Variants in TUT4 observed in about 807,000 individuals in gnomAD.
TUT4 encodes terminal uridylyl transferase 4.
A neutral mutation model predicts 192.2 loss-of-function variants in TUT4; 36 were observed. The observed-to-expected ratio is 0.19, with a 90% CI of 0.14 to 0.25. The LOEUF is 0.25. Among genes scored for constraint, TUT4 ranks in the 10% least tolerant of loss-of-function variants. TUT4 has a pLI of 1.00. For missense variants in TUT4, 1,493 were observed against 1,957.2 expected, an observed-to-expected ratio of 0.76 and a Z score of 4.47; for synonymous variants, 618 against 666.0, an observed-to-expected ratio of 0.93 and a Z score of 1.11.
Position 52,446,187 on chromosome 1 carries a change from T to C in TUT4, c.3691+78A>G, listed in dbSNP as rs1346473356. 6 of 1,432,678 alleles carry C rather than the reference T, an allele frequency of 4.2e-6. No homozygotes were observed. The African/African-American group carries it at 7.1e-5, about 17-fold the overall frequency. The allele number at this position is 1,432,678 out of a possible 1,614,324, so 88.7% of individuals were successfully genotyped here. A position where few individuals can be genotyped will look rare whatever the true frequency, so the allele number is the denominator to read the frequency against. On this transcript the variant is annotated intron_variant, in intron 22 of 29. Transcript: ENST00000257177. ...AAAAGAGGAAGAATCTTCCAAATCC[T>C]AATGTATTTCAGTTTTCCCCTCAAT...
chr1:52,435,117 AG>A, intron 27 of TUT4: 1 of 280,952 alleles, frequency 3.6e-6, no homozygotes, highest in Non-Finnish European at 6.6e-6. Context: ...CCATCTTATT[AG>A]GTAGTTATTG....
At chr1:52,442,032 G>A (rs1490926646) in intron 24 of TUT4, among the ~76,000 whole-genome samples, 1 of 152,008 alleles carries the variant, frequency 6.6e-6, no homozygotes, top group East Asian at 1.9e-4. Context: ...TCTGGGCATG[G>A]TGGCGTGCAC....
chr1:52,461,556 C>T lies in TUT4; in HGVS notation c.3188G>A (p.Arg1063Lys). ...AKVPIVKFEH[R>K]RSGLEGDISL... ...GATATCGCCTTCTAACCCACTTCGC[C>T]TGTGTTCAAATTTTACTATAGGCAC... Residue 1063 changes from arginine to lysine, a missense_variant, in exon 18 of 30, where the codon AGG becomes AAG. Physicochemically the swap from Arg to Lys is conservative, Grantham distance 26. Around this residue, in one of 7 missense-constraint regions of TUT4, gnomAD observed 141 missense variants for 382.7 expected, o/e 0.37. Coordinates refer to ENST00000257177, the MANE Select transcript of TUT4 (RefSeq NM_001009881.3). 6.8e-6 allele frequency: 11 copies of T among 1,613,180 alleles called. No individual in the cohort carries two copies. Among genetic ancestry groups the T allele is most frequent in the Non-Finnish European group, 8.5e-6 (10 of 1,179,598 alleles).
At chr1:52,550,014 C>T (rs911034619) in intron 1 of TUT4, among the ~76,000 whole-genome samples, 2 of 152,126 alleles carry the variant, frequency 1.3e-5, no homozygotes, top group African/African-American at 4.8e-5. Flanking sequence ...ACCCTTTCTT[C>T]TCCTTGGGCC....
At position 52,438,334 on chromosome 1, in the gene TUT4, T is replaced by C; in HGVS notation, c.3824A>G (p.Glu1275Gly). Residue 1275 changes from glutamate (E) to glycine (G), a missense_variant and splice_region_variant, in exon 25 of 30, where the codon GAG (glutamate) becomes GGG (glycine). Around this residue, in one of 7 missense-constraint regions of TUT4, gnomAD observed 141 missense variants for 382.7 expected, o/e 0.37. Transcript: ENST00000257177. Reference sequence around the variant, plus strand: ...TAATACTCTGGAATCAAAGAAGTACTCCTAGGGAGAAAATGCAATTTTACT... The same window carrying C: ...TAATACTCTGGAATCAAAGAAGTACCCCTAGGGAGAAAATGCAATTTTACT... Reference protein sequence around the residue: ...PFYPLIGREAEYFFDSRVLTD... With the variant: ...PFYPLIGREAGYFFDSRVLTD... 1 of 1,602,392 alleles carries C rather than the reference T, an allele frequency of 6.2e-7. No individual in the cohort carries two copies. The highest frequency in any genetic ancestry group is 8.5e-7 in the Non-Finnish European group (1 of 1,175,724).
intron 24 of TUT4, among the ~76,000 whole-genome samples, chr1:52,440,988 A>C (rs1315246389): frequency 6.6e-6 from 1 of 152,202 alleles, no homozygotes; most frequent in Non-Finnish European, 1.5e-5. Context: ...AACTGAGAGC[A>C]ACTGTTCATC....
intron 1 of TUT4, among the ~76,000 whole-genome samples, chr1:52,543,974 G>T (rs1571516207): frequency 6.6e-6 from 1 of 151,912 alleles, no homozygotes; most frequent in Admixed American, 6.6e-5. Context: ...ATACTTCCTA[G>T]TCGCAAAACT....
rs534421504 is a variant in TUT4 at position 52,513,385 on chromosome 1, C to A, written c.882+2506G>T. Among the ~76,000 whole-genome samples the A allele has an allele frequency of 8.1e-4, 76 of 94,066 alleles. 3 individuals carry two copies. In the South Asian group the frequency reaches 0.022, roughly 27 times the overall value. The allele number at this position is 94,066 out of a possible 152,430, so 61.7% of individuals were successfully genotyped here. On this transcript the variant is annotated intron_variant, in intron 3 of 29. Coordinates refer to ENST00000257177, the MANE Select transcript of TUT4 (RefSeq NM_001009881.3). ...TTCAGCCTGGGCAACCAGAATGAGACCCTGTCTCAAAAAAAAAAAAAAAAA... is the reference window on the plus strand; with the variant it reads ...TTCAGCCTGGGCAACCAGAATGAGAACCTGTCTCAAAAAAAAAAAAAAAAA...
Position 52,475,509 on chromosome 1 carries a change from C to A in TUT4, c.2050G>T (p.Ala684Ser), listed in dbSNP as rs1189183299. 1 of 1,613,020 alleles carries A rather than the reference C, an allele frequency of 6.2e-7. No individual in the cohort carries two copies. Among genetic ancestry groups the A allele is most frequent in the South Asian group, 1.1e-5 (1 of 91,002 alleles). The part of the protein sequence containing the change: ...EDPFSVKRNV[A>S]RSLNSQLVYE... Reference sequence around the variant, plus strand: ...ACCAGCTGGCTGTTTAAGCTCCGTGCAACATTCCTCTTGACTGAAAATGGA... The same window carrying A: ...ACCAGCTGGCTGTTTAAGCTCCGTGAAACATTCCTCTTGACTGAAAATGGA... Residue 684 changes from alanine (A) to serine (S), a missense_variant, in exon 13 of 30, where the codon GCA (alanine) becomes TCA (serine). Transcript: ENST00000257177.
rs765364072 is a variant in TUT4 at position 52,423,892 on chromosome 1, T to C, written c.*43A>G. ...CCCTTGAGACAGCAGGATTGGCTGG[T>C]TGCTGTGCATCGGTAGACCAGCTGA... On this transcript the variant is annotated 3_prime_UTR_variant, in exon 30 of 30. Coordinates refer to ENST00000257177, the MANE Select transcript of TUT4 (RefSeq NM_001009881.3). The C allele has an allele frequency of 6.2e-7, 1 of 1,602,484 alleles. No homozygotes were observed. The highest frequency in any genetic ancestry group is 1.1e-5 in the South Asian group (1 of 89,278).
rs1681618812 is a variant in TUT4, at chr1:52,525,879, T to C, written c.402A>G (p.Ser134=). The change falls in exon 2 of 30, where the codon TCA becomes TCG. Residue 134 remains serine, a synonymous_variant. Transcript: ENST00000257177. ...CTTTTTCTGCTTTCACTGAATTAGG[T>C]GACTTTGGTGATTTTTCTGCTTTTG... is the stretch of plus-strand genomic sequence containing the variant. The part of the protein sequence containing the change: ...LQAKAEKSPK[S]PNSVKAEKAS... 1 of 1,613,980 alleles carries C rather than the reference T, an allele frequency of 6.2e-7. No individual in the cohort carries two copies. The highest frequency in any genetic ancestry group is 1.3e-5 in the African/African-American group (1 of 74,898).
intron 1 of TUT4, among the ~76,000 whole-genome samples, chr1:52,537,306 A>G (rs1258087033): frequency 1.3e-5 from 2 of 151,150 alleles, no homozygotes; most frequent in African/African-American, 4.9e-5. Flanking sequence ...TACTCCATGC[A>G]AAGAGTAACA....
chr1:52,513,722 T>C (rs1677919879), intron 3 of TUT4, among the ~76,000 whole-genome samples: 2 of 152,210 alleles, frequency 1.3e-5, no homozygotes, highest in South Asian at 4.1e-4. Flanking sequence ...CCTTTCCTGC[T>C]TCACTCCTAT....
intron 26 of TUT4, among the ~76,000 whole-genome samples, chr1:52,436,168 A>G (rs2148255425): frequency 6.6e-6 from 1 of 152,300 alleles, no homozygotes; most frequent in Non-Finnish European, 1.5e-5. Flanking sequence ...TTAGTGAGAG[A>G]AACAGATGAA....
intron 14 of TUT4, among the ~76,000 whole-genome samples, chr1:52,470,216 T>C (rs1313276748): frequency 1.3e-5 from 2 of 152,028 alleles, no homozygotes; most frequent in African/African-American, 2.4e-5. Flanking sequence ...CTGATGGATA[T>C]ATATAAAAGG....
At chr1:52,472,163 A>T in intron 13 of TUT4, 61 bp from the exon 14 acceptor site, 3 of 1,478,874 alleles carry the variant, frequency 2.0e-6, no homozygotes, top group Non-Finnish European at 2.8e-6. Context: ...ATCACTTAGG[A>T]AGTGAATTCA....
chr1:52,471,256 C>T (rs1234035451), intron 14 of TUT4, among the ~76,000 whole-genome samples: 1 of 152,130 alleles, frequency 6.6e-6, no homozygotes, highest in Non-Finnish European at 1.5e-5. Context: ...ACCTCATGAT[C>T]GGCCCACCTC....
chr1:52,548,426 G>A (rs1251356754), intron 1 of TUT4, among the ~76,000 whole-genome samples: 1 of 152,026 alleles, frequency 6.6e-6, no homozygotes, highest in Non-Finnish European at 1.5e-5. Flanking sequence ...TTAACTCTCT[G>A]TACACAAAAT....
At position 52,490,150 on chromosome 1, in the gene TUT4, CT is replaced by C. The variant is rs34451806; in HGVS notation, c.1388+581del. 2.1e-3 allele frequency among the ~76,000 whole-genome samples: 247 copies of C among 120,366 alleles called. 1 individual carries two copies. Among genetic ancestry groups the C allele is most frequent in the African/African-American group, 3.8e-3 (129 of 33,852 alleles). The allele number at this position is 120,366 out of a possible 152,430, so 79.0% of individuals were successfully genotyped here. On this transcript the variant is annotated intron_variant, in intron 8 of 29. Transcript: ENST00000257177. The stretch of plus-strand genomic sequence containing the variant: ...ATTGTGAGATCCTTGAGAAGAGAGG[CT>C]TTTTTTTTTTTTTTTTTGAGACAGG...
Sources: gnomAD v4.1 joint callset for allele counts (sites outside exome capture counted in the v4.1 genomes callset) on GRCh38, gnomAD v4.1.1 for gene constraint, gnomAD v4.1.1 regional missense constraint, MANE v1.5 for transcripts, NCBI Gene and HGNC (gene_info 2026-07-23, HGNC 2026-07-21) for gene names.